Variants in EIF3G observed in about 807,000 individuals in gnomAD.
The protein encoded by EIF3G is eukaryotic translation initiation factor 3 subunit G.
A neutral mutation model predicts 41.7 loss-of-function variants in EIF3G; 10 were observed. The ratio of observed to expected loss-of-function variants is 0.24; its 90% CI spans 0.15 to 0.41. EIF3G has a LOEUF of 0.41. Ranked by LOEUF, EIF3G falls within the 10% of genes least tolerant of loss-of-function variation. The pLI is 1.00. For synonymous variants in EIF3G, 204 were observed against 172.5 expected (o/e 1.18, Z -1.43); for missense variants, 297 against 444.0 (o/e 0.67, Z 2.98).
chr19:10,118,722 G>C lies in EIF3G; in HGVS notation c.246C>G (p.Val82=), dbSNP rs2089280065. The C allele has an allele frequency of 6.2e-7, 1 of 1,613,952 alleles. No homozygotes were observed. The highest frequency in any genetic ancestry group is 8.5e-7 in the Non-Finnish European group (1 of 1,179,978). The part of the protein sequence containing the change: ...IDEDGKKFKI[V]RTFRIETRKA... ...TCCGGGTCTCAATCCTGAAGGTGCGGACAATCTGAGGATGGGAGGGGAGAA... is the reference window on the plus strand; with the variant it reads ...TCCGGGTCTCAATCCTGAAGGTGCGCACAATCTGAGGATGGGAGGGGAGAA... The change falls in exon 5 of 11, where the codon GTC becomes GTG. Residue 82 remains valine (V), a synonymous_variant. Coordinates refer to ENST00000253108, the MANE Select transcript of EIF3G (RefSeq NM_003755.5).
At position 10,116,332 on chromosome 19, in the gene EIF3G, G is replaced by T; in HGVS notation, c.596-258C>A. 1.8e-6 allele frequency: 1 copy of T among 570,086 alleles called. No individual in the cohort carries two copies. The highest frequency in any genetic ancestry group is 3.2e-5 in the Admixed American group (1 of 31,446). 35.3% of individuals were successfully genotyped at this position (570,086 alleles called of 1,614,324 possible). On this transcript the variant is annotated intron_variant, in intron 7 of 10. Transcript: ENST00000253108. This position sits in a 1 kb window ranked among gnomAD's most constrained non-coding sequence, Gnocchi z 4.1. ...CAGAGAGGGCGGGAGGACAACAGGGGCAGCAGCCTCACATGCACAGCAACG... is the reference window on the plus strand; with the variant it reads ...CAGAGAGGGCGGGAGGACAACAGGGTCAGCAGCCTCACATGCACAGCAACG...
chr19:10,118,631 A>G (rs763036192), intron 5 of EIF3G, 37 bp downstream of exon 5: 12 of 1,612,542 alleles, frequency 7.4e-6, no homozygotes, highest in Middle Eastern at 1.6e-4. Flanking sequence ...CGGTTTTCCA[A>G]TTCCTCTAGG....
chr19:10,115,845 G>GT, intron 8 of EIF3G, 25 bp from the exon 9 acceptor site: 1 of 1,608,826 alleles, frequency 6.2e-7, no homozygotes, highest in Non-Finnish European at 8.5e-7. Context: ...GGAGGTGGCT[G>GT]TGAGGGGGAG....
chr19:10,116,105 T>C lies in EIF3G; in HGVS notation c.596-31A>G, dbSNP rs768617916. On this transcript the variant is annotated intron_variant, in intron 7 of 10. Transcript: ENST00000253108. The surrounding 1 kb of genome is among the most constrained non-coding windows in gnomAD (Gnocchi z 4.1). Reference sequence around the variant, plus strand: ...GACCAAAAGACAGTCAAGTTCAACCTCACTGTGGCGCAGGCGTGGGGACAG... The same window carrying C: ...GACCAAAAGACAGTCAAGTTCAACCCCACTGTGGCGCAGGCGTGGGGACAG... 31 of 1,603,982 alleles carry C rather than the reference T, an allele frequency of 1.9e-5. No individual in the cohort carries two copies. The highest frequency in any genetic ancestry group is 2.6e-5 in the Non-Finnish European group (30 of 1,173,632).
At chr19:10,119,360 C>A in intron 2 of EIF3G, 189 bp from the exon 3 acceptor site, 3 of 787,366 alleles carry the variant, frequency 3.8e-6, no homozygotes, top group Non-Finnish European at 6.5e-6. Flanking sequence ...GGAGATCCCT[C>A]GTAGGAAGGT....
Position 10,116,674 on chromosome 19 carries a change from A to G in EIF3G, c.595+126T>C. ...AGGAGGTACAGCCAATTAGGAAGGC[A>G]CAGACGCCCCGAGGAGAGTCTGGCA... On this transcript the variant is annotated intron_variant, in intron 7 of 10. Coordinates refer to ENST00000253108, the MANE Select transcript of EIF3G (RefSeq NM_003755.5). This position sits in a 1 kb window ranked among gnomAD's most constrained non-coding sequence, Gnocchi z 4.1. 7 of 975,750 alleles carry G rather than the reference A, an allele frequency of 7.2e-6. No individual in the cohort carries two copies. The highest frequency in any genetic ancestry group is 1.0e-5 in the Non-Finnish European group (7 of 669,916). The allele number at this position is 975,750 out of a possible 1,614,324, so 60.4% of individuals were successfully genotyped here. A position where few individuals can be genotyped will look rare whatever the true frequency, so the allele number is the denominator to read the frequency against.
At chr19:10,118,999 A>T (rs375010356) in intron 3 of EIF3G, 43 bp from the exon 4 acceptor site, 3 of 1,613,662 alleles carry the variant, frequency 1.9e-6, no homozygotes, top group Non-Finnish European at 2.5e-6. Context: ...GCCCTGGGTC[A>T]TGGGGATCAG....
At position 10,116,177 on chromosome 19, in the gene EIF3G, C is replaced by T. The variant is rs1436040500; in HGVS notation, c.596-103G>A. Reference sequence around the variant, plus strand: ...CTTCAGTGTTGAGCCAGCGCAGGCACTGTGTGCCAAACCACAGGCAGCCAG... The same window carrying T: ...CTTCAGTGTTGAGCCAGCGCAGGCATTGTGTGCCAAACCACAGGCAGCCAG... On this transcript the variant is annotated intron_variant, in intron 7 of 10. Coordinates refer to ENST00000253108, the MANE Select transcript of EIF3G (RefSeq NM_003755.5). This position sits in a 1 kb window ranked among gnomAD's most constrained non-coding sequence, Gnocchi z 4.1. The T allele has an allele frequency of 9.9e-6, 12 of 1,207,670 alleles. No homozygotes were observed. Among genetic ancestry groups the T allele is most frequent in the Non-Finnish European group, 1.4e-5 (12 of 862,902 alleles). 74.8% of individuals were successfully genotyped at this position (1,207,670 alleles called of 1,614,324 possible).
Position 10,115,473 on chromosome 19 carries a change from TCTTA to T in EIF3G, c.947+2_947+5del. The T allele has an allele frequency of 6.2e-7, 1 of 1,602,234 alleles. No individual in the cohort carries two copies. The highest frequency in any genetic ancestry group is 8.5e-7 in the Non-Finnish European group (1 of 1,172,960). Reference sequence around the variant, plus strand: ...AGCAGGGGCTGGGGCAGGGATGGAGTCTTACTTGGCCCACTCGACGTTGAGGATG... The same window carrying T: ...AGCAGGGGCTGGGGCAGGGATGGAGTCTTGGCCCACTCGACGTTGAGGATG... On this transcript the variant is annotated splice_donor_variant and splice_donor_5th_base_variant and intron_variant, in intron 10 of 10. Transcript: ENST00000253108. LOFTEE classifies it high-confidence loss of function.
chr19:10,115,870 C>G (rs765927181), intron 8 of EIF3G, 50 bp from the exon 9 acceptor site: 35 of 1,581,808 alleles, frequency 2.2e-5, no homozygotes, highest in Middle Eastern at 1.7e-4. Context: ...CTGCCCAGCC[C>G]TCGTGTGCTG....
At position 10,115,731 on chromosome 19, in the gene EIF3G, T is replaced by C. The variant is rs200368684; in HGVS notation, c.793A>G (p.Ile265Val). 2 of 1,614,130 alleles carry C rather than the reference T, an allele frequency of 1.2e-6. No homozygotes were observed. Among genetic ancestry groups the C allele is most frequent in the Non-Finnish European group, 1.7e-6 (2 of 1,180,008 alleles). The change falls in exon 9 of 11, where the codon ATC becomes GTC. Residue 265 changes from isoleucine (I) to valine (V), a missense_variant. Ile to Val is a conservative substitution (Grantham distance 29). This residue lies in a region of EIF3G where 91 missense variants were observed against 170.5 expected (regional missense o/e 0.53). Coordinates refer to ENST00000253108, the MANE Select transcript of EIF3G (RefSeq NM_003755.5). ...TCCTTAGCCAGGTAGATGCGGGAGATGGAGCCGAAAGGCCGGAAGAGCTCC... is the reference window on the plus strand; with the variant it reads ...TCCTTAGCCAGGTAGATGCGGGAGACGGAGCCGAAAGGCCGGAAGAGCTCC... ...LQELFRPFGS[I>V]SRIYLAKDKT...
rs1422018592 is a variant in EIF3G, at chr19:10,116,401, C to T, written c.596-327G>A. ...ACAGGAACAGCGCCCAGGTCCCCCTCGCGTGGCAGGCGACAAGTGCACGTC... is the reference window on the plus strand; with the variant it reads ...ACAGGAACAGCGCCCAGGTCCCCCTTGCGTGGCAGGCGACAAGTGCACGTC... On this transcript the variant is annotated intron_variant, in intron 7 of 10. Transcript: ENST00000253108. The surrounding 1 kb of genome is among the most constrained non-coding windows in gnomAD (Gnocchi z 4.1). The T allele has an allele frequency of 2.0e-6, 1 of 502,916 alleles. No individual in the cohort carries two copies. Among genetic ancestry groups the T allele is most frequent in the Non-Finnish European group, 3.6e-6 (1 of 278,978 alleles). The allele number at this position is 502,916 out of a possible 1,614,324, so 31.2% of individuals were successfully genotyped here. A position where few individuals can be genotyped will look rare whatever the true frequency, so the allele number is the denominator to read the frequency against.
Position 10,115,098 on chromosome 19 carries a change from C to T in EIF3G, c.*16G>A. On this transcript the variant is annotated 3_prime_UTR_variant, in exon 11 of 11. Transcript: ENST00000253108. Reference sequence around the variant, plus strand: ...GTCGCCAAGGGTCCCGGACCGAGTACACAGTGGCAGCTGGCTTAGTTGGTG... The same window carrying T: ...GTCGCCAAGGGTCCCGGACCGAGTATACAGTGGCAGCTGGCTTAGTTGGTG... 1 of 1,614,012 alleles carries T rather than the reference C, an allele frequency of 6.2e-7. No homozygotes were observed. The highest frequency in any genetic ancestry group is 8.5e-7 in the Non-Finnish European group (1 of 1,180,016).
chr19:10,119,566 C>A, intron 2 of EIF3G, 88 bp downstream of exon 2: 2 of 1,478,086 alleles, frequency 1.4e-6, no homozygotes, highest in South Asian at 1.3e-5. Flanking sequence ...TGACGGGGTA[C>A]ACGGTGCCAG....
In EIF3G at chr19:10,116,317, G is replaced by A. The variant is rs1231018553; in HGVS notation, c.596-243C>T. ...GCCCCGACCCCACCCCAGAGAGGGC[G>A]GGAGGACAACAGGGGCAGCAGCCTC... On this transcript the variant is annotated intron_variant, in intron 7 of 10. Coordinates refer to ENST00000253108, the MANE Select transcript of EIF3G (RefSeq NM_003755.5). This position sits in a 1 kb window ranked among gnomAD's most constrained non-coding sequence, Gnocchi z 4.1. 7.1e-5 allele frequency: 41 copies of A among 580,504 alleles called. 1 individual carries two copies. The highest frequency in any genetic ancestry group is 6.0e-4 in the East Asian group (21 of 34,716). The allele number at this position is 580,504 out of a possible 1,614,324, so 36.0% of individuals were successfully genotyped here.
At chr19:10,115,225 G>GAAGC in intron 10 of EIF3G, 96 bp from the exon 11 acceptor site, 5 of 1,491,956 alleles carry the variant, frequency 3.4e-6, no homozygotes, top group Non-Finnish European at 4.6e-6. Flanking sequence ...GGCAGAGGAC[G>GAAGC]GGGTAATGTG....
chr19:10,115,032 T>C lies in EIF3G; in HGVS notation c.*82A>G. ...AACCAAGTAGAGAGAGTGGAGCTGCTTTATTGCCCTTGGAGCCCGCGCTCT... is the reference window on the plus strand; with the variant it reads ...AACCAAGTAGAGAGAGTGGAGCTGCCTTATTGCCCTTGGAGCCCGCGCTCT... On this transcript the variant is annotated 3_prime_UTR_variant, in exon 11 of 11. Transcript: ENST00000253108. 3 of 1,590,786 alleles carry C rather than the reference T, an allele frequency of 1.9e-6. No homozygotes were observed. Among genetic ancestry groups the C allele is most frequent in the Non-Finnish European group, 2.6e-6 (3 of 1,164,100 alleles).
Position 10,119,703 on chromosome 19 carries a change from G to A in EIF3G, c.21-3C>T, listed in dbSNP as rs770486864. The A allele has an allele frequency of 6.2e-7, 1 of 1,607,536 alleles. No homozygotes were observed. ...GGTCGGCCCAACTGGGCTTCGAACT[G>A]CGGAAACAAATGTGTGGGGAACGAA... On this transcript the variant is annotated splice_polypyrimidine_tract_variant and splice_region_variant and intron_variant, in intron 1 of 10. Transcript: ENST00000253108.
At position 10,116,522 on chromosome 19, in the gene EIF3G, A is replaced by G. The variant is rs1013574384; in HGVS notation, c.595+278T>C. 3.3e-5 allele frequency: 17 copies of G among 513,688 alleles called. No individual in the cohort carries two copies. The highest frequency in any genetic ancestry group is 5.9e-5 in the Non-Finnish European group (17 of 287,216). 31.8% of individuals were successfully genotyped at this position (513,688 alleles called of 1,614,324 possible). On this transcript the variant is annotated intron_variant, in intron 7 of 10. Coordinates refer to ENST00000253108, the MANE Select transcript of EIF3G (RefSeq NM_003755.5). The surrounding 1 kb of genome is among the most constrained non-coding windows in gnomAD (Gnocchi z 4.1). Reference sequence around the variant, plus strand: ...GAGACACTATACACACAGTGCGCACACACGATGTGGGGTGGTCAGCACCCT... The same window carrying G: ...GAGACACTATACACACAGTGCGCACGCACGATGTGGGGTGGTCAGCACCCT...
Sources: gnomAD v4.1 joint callset for allele counts on GRCh38, gnomAD v4.1.1 for gene constraint, gnomAD v4.1.1 regional missense constraint, Gnocchi (gnomAD v3.1) non-coding constraint, MANE v1.5 for transcripts, NCBI Gene and HGNC (gene_info 2026-07-23, HGNC 2026-07-21) for gene names.